Variants in DEPTOR observed in about 807,000 individuals in gnomAD.
DEPTOR encodes DEP domain containing MTOR interacting protein, also known as DEP domain-containing mTOR-interacting protein.
In DEPTOR, 41 loss-of-function variants were observed where a neutral mutation model predicts 41.6. That is an observed-to-expected ratio of 0.98 (90% CI 0.77 to 1.28). The LOEUF is 1.28. Ranked by LOEUF, DEPTOR falls within the 50% of genes most tolerant of loss-of-function variation. DEPTOR has a pLI of 0.00. For synonymous variants in DEPTOR, 195 were observed against 192.3 expected (o/e 1.01, Z -0.12); for missense variants, 514 against 527.9 (o/e 0.97, Z 0.26).
chr8:119,951,536 C>G (rs1828354115), intron 3 of DEPTOR, among the ~76,000 whole-genome samples: 1 of 152,160 alleles, frequency 6.6e-6, no homozygotes, highest in African/African-American at 2.4e-5. Context: ...TTACAACTTT[C>G]CAGAATATCA....
chr8:119,919,148 GT>G (rs1277571966), intron 1 of DEPTOR, among the ~76,000 whole-genome samples: 4 of 152,162 alleles, frequency 2.6e-5, no homozygotes, highest in Admixed American at 6.6e-5. Context: ...CATGAAATGT[GT>G]ATTATGATCC....
intron 4 of DEPTOR, among the ~76,000 whole-genome samples, chr8:119,984,107 T>G (rs1828800915): frequency 6.6e-6 from 1 of 151,646 alleles, no homozygotes. Flanking sequence ...CCACCTAGAG[T>G]TACTTCTAGA....
chr8:119,959,308 G>A lies in DEPTOR; in HGVS notation c.426-5924G>A, dbSNP rs375423518. Among the ~76,000 whole-genome samples the A allele has an allele frequency of 6.6e-5, 10 of 150,966 alleles. No homozygotes were observed. The East Asian group carries it at 1.6e-3, about 24-fold the overall frequency. On this transcript the variant is annotated intron_variant, in intron 3 of 8. Transcript: ENST00000286234. ...CTCCTCAGCAGATGGGACTACAGGC[G>A]CCCACCACCACGCCCAGCTAATTTT...
intron 3 of DEPTOR, among the ~76,000 whole-genome samples, chr8:119,938,880 CCTCTCTCT>C (rs141789019): frequency 6.8e-6 from 1 of 147,330 alleles, no homozygotes; most frequent in Non-Finnish European, 1.5e-5. Flanking sequence ...TCTGCCTTCC[CCTCTCTCT>C]CTCTTTCTCT....
intron 3 of DEPTOR, among the ~76,000 whole-genome samples, chr8:119,959,383 G>A (rs760695226): frequency 6.6e-6 from 1 of 151,656 alleles, no homozygotes; most frequent in East Asian, 1.9e-4. Context: ...GGATGGTCTC[G>A]ATTTCCTGAC....
At position 119,933,315 on chromosome 8, in the gene DEPTOR, C is replaced by A. The variant is rs193044820; in HGVS notation, c.425+3377C>A. On this transcript the variant is annotated intron_variant, in intron 3 of 8. Transcript: ENST00000286234. ...GACCAGTCTGGCCAACATGGCGAAA[C>A]CCTATCTCTACTAAAAATATAAAAA... Among the ~76,000 whole-genome samples the A allele has an allele frequency of 6.8e-3, 1,037 of 152,076 alleles. 7 individuals are homozygous for A. Among genetic ancestry groups the A allele is most frequent in the Middle Eastern group, 0.01 (3 of 292 alleles).
chr8:120,027,029 G>C (rs1048732932), intron 8 of DEPTOR, among the ~76,000 whole-genome samples: 2 of 151,888 alleles, frequency 1.3e-5, no homozygotes, highest in Non-Finnish European at 2.9e-5. Flanking sequence ...CACCAGCCTG[G>C]CCAACATGGA....
chr8:119,971,180 C>T (rs982589482), intron 4 of DEPTOR, among the ~76,000 whole-genome samples: 5 of 142,986 alleles, frequency 3.5e-5, no homozygotes, highest in South Asian at 2.1e-4. Context: ...TTGTAGTGAG[C>T]GAAGATTGCG....
chr8:120,028,152 T>A (rs953645569), intron 8 of DEPTOR, among the ~76,000 whole-genome samples: 1 of 151,760 alleles, frequency 6.6e-6, no homozygotes, highest in East Asian at 1.9e-4. Context: ...GATGATGTAC[T>A]TTTTTTTTCT....
At chr8:119,967,984 T>C (rs774717110) in intron 4 of DEPTOR, among the ~76,000 whole-genome samples, 20 of 152,080 alleles carry the variant, frequency 1.3e-4, no homozygotes, top group Non-Finnish European at 2.4e-4. Context: ...TCTGCCACAG[T>C]TGGACTCACA....
At chr8:119,997,693 A>C (rs1187965553) in intron 4 of DEPTOR, among the ~76,000 whole-genome samples, 3 of 152,200 alleles carry the variant, frequency 2.0e-5, no homozygotes, top group Non-Finnish European at 4.4e-5. Flanking sequence ...GTGCTCTCTT[A>C]GTAGGGACCC....
At chr8:120,039,765 G>A (rs999339975) in intron 8 of DEPTOR, among the ~76,000 whole-genome samples, 2 of 152,104 alleles carry the variant, frequency 1.3e-5, no homozygotes, top group African/African-American at 4.8e-5. Context: ...ATTATTATTA[G>A]TTTTGAAGTT....
At position 119,898,460 on chromosome 8, in the gene DEPTOR, C is replaced by T. The variant is rs369801637; in HGVS notation, c.122+24492C>T. Among the ~76,000 whole-genome samples the T allele has an allele frequency of 4.6e-5, 7 of 152,074 alleles. No individual in the cohort carries two copies. In the South Asian group the frequency reaches 6.2e-4, roughly 14 times the overall value. ...GTATTGGGCTGGGTGTGGTGGCTTA[C>T]GTGTGTAATCCCAAGAACGTTGGGA... On this transcript the variant is annotated intron_variant, in intron 1 of 8. Coordinates refer to ENST00000286234, the MANE Select transcript of DEPTOR (RefSeq NM_022783.4).
chr8:119,962,225 C>T (rs1586634342), intron 3 of DEPTOR, among the ~76,000 whole-genome samples: 2 of 151,926 alleles, frequency 1.3e-5, no homozygotes, highest in East Asian at 1.9e-4. Flanking sequence ...CCACTGCACT[C>T]CAGCCTGGGT....
chr8:120,042,937 C>T (rs1274617434), intron 8 of DEPTOR, among the ~76,000 whole-genome samples: 1 of 151,032 alleles, frequency 6.6e-6, no homozygotes, highest in Admixed American at 6.6e-5. Context: ...GCAACCTCTG[C>T]CTCCCAGGTT....
In DEPTOR at chr8:120,003,086, C is replaced by G. The variant is rs574142142; in HGVS notation, c.900C>G (p.Pro300=). 23 of 1,613,028 alleles carry G rather than the reference C, an allele frequency of 1.4e-5. No individual in the cohort carries two copies. The East Asian group carries it at 4.7e-4, about 33-fold the overall frequency. ...FSSSPTLSSS[P]PVLCNPKSVL... ...GCAGCCCCACCCTCAGCAGCAGCCCCCCTGTGCTCTGCAACCCCAAGTCCG... is the reference window on the plus strand; with the variant it reads ...GCAGCCCCACCCTCAGCAGCAGCCCGCCTGTGCTCTGCAACCCCAAGTCCG... Residue 300 remains proline, a synonymous_variant, in exon 6 of 9, where the codon CCC becomes CCG. Coordinates refer to ENST00000286234, the MANE Select transcript of DEPTOR (RefSeq NM_022783.4).
chr8:119,888,813 G>A (rs1328551969), intron 1 of DEPTOR, among the ~76,000 whole-genome samples: 2 of 129,570 alleles, frequency 1.5e-5, no homozygotes, highest in Non-Finnish European at 3.1e-5. Context: ...CAGAGATTAT[G>A]CCATTGCACT....
In DEPTOR at chr8:119,874,120, C is replaced by T. The variant is rs536408740; in HGVS notation, c.122+152C>T. The T allele has an allele frequency of 6.3e-4, 808 of 1,280,912 alleles. 11 individuals carry two copies. The African/African-American group carries it at 0.011, about 18-fold the overall frequency. 79.3% of individuals were successfully genotyped at this position (1,280,912 alleles called of 1,614,324 possible). A position where few individuals can be genotyped will look rare whatever the true frequency, so the allele number is the denominator to read the frequency against. On this transcript the variant is annotated intron_variant, in intron 1 of 8. Coordinates refer to ENST00000286234, the MANE Select transcript of DEPTOR (RefSeq NM_022783.4). The stretch of plus-strand genomic sequence containing the variant: ...GCGCGTGGATGGTCCTCGGTGCGCC[C>T]GCGCTTAGCTGCTGCAGCCTCGGTC...
intron 1 of DEPTOR, among the ~76,000 whole-genome samples, chr8:119,922,007 G>A (rs1049461695): frequency 6.6e-6 from 1 of 152,026 alleles, no homozygotes; most frequent in African/African-American, 2.4e-5. Context: ...GGAGGCCGAG[G>A]TGGGTGGATC....
Sources: allele counts gnomAD v4.1 joint callset (sites outside exome capture counted in the v4.1 genomes callset), GRCh38; gene constraint gnomAD v4.1.1; transcripts MANE v1.5; gene names NCBI Gene and HGNC (gene_info 2026-07-23, HGNC 2026-07-21).